The following ANKRD26 variants were observed in gnomAD, a reference collection of about 807,000 sequenced individuals.
ANKRD26 encodes the protein ankyrin repeat domain 26, also known as ankyrin repeat domain-containing protein 26.
A neutral mutation model predicts 208.7 loss-of-function variants in ANKRD26; 141 were observed. The ratio of observed to expected loss-of-function variants is 0.68; its 90% CI spans 0.59 to 0.78. The LOEUF (loss-of-function observed/expected upper bound fraction) is 0.78. ANKRD26 is among the 30% of genes least tolerant of loss of function. ANKRD26 has a pLI of 0.00. For synonymous variants in ANKRD26, 636 were observed against 660.4 expected, an observed-to-expected ratio of 0.96 and a Z score of 0.57; for missense variants, 1,889 against 1,938.7, an observed-to-expected ratio of 0.97 and a Z score of 0.48.
intron 9 of ANKRD26, among the ~76,000 whole-genome samples, chr10:27,069,433 C>T (rs555792870): frequency 1.3e-4 from 20 of 151,914 alleles, no homozygotes; most frequent in African/African-American, 4.8e-4. Flanking sequence ...CAGTTTGGGA[C>T]ATATTAATAT....
At chr10:27,041,241 G>A (rs921082365) in intron 20 of ANKRD26, among the ~76,000 whole-genome samples, 3 of 151,330 alleles carry the variant, frequency 2.0e-5, no homozygotes, top group African/African-American at 4.9e-5. Context: ...AGAGAGGAGC[G>A]AGAGGTACAG....
At chr10:26,972,103 C>CG (rs938201790), downstream of ANKRD26, among the ~76,000 whole-genome samples, 6 of 151,794 alleles carry the variant, frequency 4.0e-5, no homozygotes, top group Admixed American at 2.0e-4. Flanking sequence ...GGCGTGGTGG[C>CG]GGGCGCCTGT....
chr10:27,043,026 T>C (rs978312616), intron 20 of ANKRD26, among the ~76,000 whole-genome samples: 1 of 150,172 alleles, frequency 6.7e-6, no homozygotes, highest in African/African-American at 2.4e-5. Flanking sequence ...TTTGTGACCC[T>C]GTGTTATGCA....
chr10:26,998,913 G>C (rs1210788976), intron 4 of ANKRD26, among the ~76,000 whole-genome samples: 3 of 152,158 alleles, frequency 2.0e-5, no homozygotes, highest in Non-Finnish European at 4.4e-5. Context: ...AACAGATCTG[G>C]TCCAGGAAGT....
intron 4 of ANKRD26, among the ~76,000 whole-genome samples, chr10:26,999,009 G>A (rs2052659956): frequency 6.6e-6 from 1 of 152,204 alleles, no homozygotes; most frequent in South Asian, 2.1e-4. Flanking sequence ...ATTTCTCTGA[G>A]ATAAAGCACT....
chr10:27,029,524 G>C (rs1049264408), intron 25 of ANKRD26, among the ~76,000 whole-genome samples, 168 bp from the exon 26 acceptor site: 11 of 152,294 alleles, frequency 7.2e-5, no homozygotes, highest in Admixed American at 1.3e-4. Flanking sequence ...TGTTGCAGCA[G>C]GTGGTATCTA....
downstream of ANKRD26, among the ~76,000 whole-genome samples, chr10:26,972,739 C>T (rs960781354): frequency 2.5e-4 from 38 of 151,746 alleles, no homozygotes; most frequent in Non-Finnish European, 5.3e-4. Context: ...TACAGGCGCC[C>T]GCCACCGTGC....
intron 1 of ANKRD26, among the ~76,000 whole-genome samples, chr10:27,098,552 CT>C (rs34288994): frequency 8.3e-5 from 12 of 144,302 alleles, no homozygotes; most frequent in Middle Eastern, 3.2e-3. Flanking sequence ...AATTTTACCA[CT>C]TTTTTTTTTT....
intron 9 of ANKRD26, among the ~76,000 whole-genome samples, chr10:27,067,841 C>T (rs1432631954): frequency 6.6e-6 from 1 of 152,150 alleles, no homozygotes; most frequent in Admixed American, 6.5e-5. Context: ...AGACAATAAG[C>T]ACTTATGTGT....
At chr10:27,086,768 G>GTTTTTT (rs36035101) in intron 4 of ANKRD26, among the ~76,000 whole-genome samples, 159 bp from the exon 5 acceptor site, 27 of 96,968 alleles carry the variant, frequency 2.8e-4, no homozygotes, top group Admixed American at 5.8e-4. Flanking sequence ...AAACTTTTTT[G>GTTTTTT]TTTTTTTTTT....
intron 3 of ANKRD26, among the ~76,000 whole-genome samples, chr10:26,986,318 TA>T (rs1185500516): frequency 2.6e-5 from 4 of 152,086 alleles, no homozygotes; most frequent in Non-Finnish European, 5.9e-5. Context: ...CCTAAAACCA[TA>T]AAAACCCTAG....
At chr10:27,080,869 T>G in intron 6 of ANKRD26, 3 of 985,350 alleles carry the variant, frequency 3.0e-6, no homozygotes, top group South Asian at 4.7e-5. Context: ...CATGACTGAC[T>G]TGCCAGCTAA....
intron 16 of ANKRD26, among the ~76,000 whole-genome samples, chr10:27,050,219 C>CAAAAAAAAAAAAAAAAAAAAAAAAAAAAA (rs67384671): frequency 2.7e-4 from 9 of 33,042 alleles, no homozygotes; most frequent in African/African-American, 6.2e-4. Context: ...GAATCTGTCT[C>CAAAAAAAAAAAAAAAAAAAAAAAAAAAAA]AAAAAAAAAA....
At chr10:26,985,132 G>T (rs1465405254) in intron 3 of ANKRD26, among the ~76,000 whole-genome samples, 3 of 152,112 alleles carry the variant, frequency 2.0e-5, no homozygotes, top group Non-Finnish European at 4.4e-5. Flanking sequence ...TTTTAAACTG[G>T]AGATAATGGC....
In ANKRD26 at chr10:27,093,469, A is replaced by G; in HGVS notation, c.411T>C (p.Ala137=). Residue 137 remains alanine, a synonymous_variant, in exon 3 of 34, where the codon GCT becomes GCC. Transcript: ENST00000376087. The part of the protein sequence containing the change: ...KCATILLEHG[A]DPNLADVHGN... ...CATGGACATCCGCAAGATTTGGATCAGCACCATGTTCTAGCAGAATAGTTG... is the reference window on the plus strand; with the variant it reads ...CATGGACATCCGCAAGATTTGGATCGGCACCATGTTCTAGCAGAATAGTTG... 6.2e-7 allele frequency: 1 copy of G among 1,614,228 alleles called. No homozygotes were observed. The highest frequency in any genetic ancestry group is 1.1e-5 in the South Asian group (1 of 91,090).
chr10:27,048,554 G>C (rs1467232840), intron 17 of ANKRD26, among the ~76,000 whole-genome samples: 1 of 152,076 alleles, frequency 6.6e-6, no homozygotes, highest in Non-Finnish European at 1.5e-5. Context: ...TTTACCAACA[G>C]TGTATGAGAA....
chr10:27,059,682 G>A (rs1038091161), intron 15 of ANKRD26, among the ~76,000 whole-genome samples: 1 of 151,662 alleles, frequency 6.6e-6, no homozygotes, highest in Admixed American at 6.6e-5. Context: ...AGGCTAAAGC[G>A]GGCGGATCAC....
At chr10:27,080,980 G>A in intron 6 of ANKRD26, 7 of 984,734 alleles carry the variant, frequency 7.1e-6, no homozygotes, top group Non-Finnish European at 8.4e-6. Flanking sequence ...ACAGATCTAT[G>A]TAGTTCAGCA....
chr10:27,043,498 C>A lies in ANKRD26; in HGVS notation c.2089G>T (p.Asp697Tyr). 2 of 1,613,972 alleles carry A rather than the reference C, an allele frequency of 1.2e-6. No homozygotes were observed. ...TAACTAGAGTGGGGTAGCTCACAAT[C>A]CTCTGAGGCTGTTTCAGATGACTGA... ...LTQSSETASE[D>Y]CELPHSSYKN... Residue 697 changes from aspartate to tyrosine, a missense_variant, in exon 20 of 34, where the codon GAT becomes TAT. Coordinates refer to ENST00000376087, the MANE Select transcript of ANKRD26 (RefSeq NM_014915.3).
Sources: allele counts gnomAD v4.1 joint callset (sites outside exome capture counted in the v4.1 genomes callset), GRCh38; gene constraint gnomAD v4.1.1; transcripts MANE v1.5; gene names NCBI Gene and HGNC (gene_info 2026-07-23, HGNC 2026-07-21).